Variants in RASSF5 observed in about 807,000 individuals in gnomAD.
RASSF5 encodes the protein Ras association domain family member 5, also known as ras association domain-containing protein 5.
In RASSF5, 25 loss-of-function variants were observed where a neutral mutation model predicts 40.5. That is an observed-to-expected ratio of 0.62 (90% CI 0.45 to 0.86). The LOEUF is 0.86. Among genes scored for constraint, RASSF5 ranks in the 40% least tolerant of loss-of-function variants. RASSF5 has a pLI of 0.00. For synonymous variants in RASSF5, 246 were observed against 252.4 expected (o/e 0.97, Z 0.24); for missense variants, 521 against 572.8 (o/e 0.91, Z 0.92).
chr1:206,580,680 C>T (rs1668836650), intron 2 of RASSF5: 1 of 152,246 alleles, frequency 6.6e-6, no homozygotes, highest in South Asian at 2.1e-4. Flanking sequence ...GCTCACACTA[C>T]TTGCTACTCA....
chr1:206,583,052 G>A (rs1668954462), intron 2 of RASSF5: 4 of 497,442 alleles, frequency 8.0e-6, no homozygotes, highest in South Asian at 6.1e-5. Context: ...CTGAGGCTTA[G>A]AGAAATCTGA....
rs186987825 is a variant in RASSF5, at chr1:206,525,106, C to T, written c.458-13066C>T. On this transcript the variant is annotated intron_variant, in intron 1 of 5. Coordinates refer to ENST00000579436, the MANE Select transcript of RASSF5 (RefSeq NM_182663.4). ...GCCCACTCCTCCCAAGACACCCCTA[C>T]TTCAACACACCCAGCCTGGCCTGGC... Among the ~76,000 whole-genome samples the T allele has an allele frequency of 5.8e-3, 886 of 152,324 alleles. 11 individuals carry two copies. Among genetic ancestry groups the T allele is most frequent in the African/African-American group, 0.018 (741 of 41,570 alleles).
intron 1 of RASSF5, among the ~76,000 whole-genome samples, chr1:206,508,361 C>T (rs1304517504): frequency 2.0e-5 from 3 of 152,114 alleles, no homozygotes; most frequent in African/African-American, 7.2e-5. Flanking sequence ...CACACTCGCA[C>T]ACAGGTTGTG....
Position 206,587,070 on chromosome 1 carries a change from T to G in RASSF5, c.*92T>G. 36 of 1,469,146 alleles carry G rather than the reference T, an allele frequency of 2.5e-5. No homozygotes were observed. The highest frequency in any genetic ancestry group is 2.7e-5 in the Non-Finnish European group (29 of 1,075,330). 91.0% of individuals were successfully genotyped at this position (1,469,146 alleles called of 1,614,324 possible). On this transcript the variant is annotated 3_prime_UTR_variant, in exon 6 of 6. Coordinates refer to ENST00000579436, the MANE Select transcript of RASSF5 (RefSeq NM_182663.4). The stretch of plus-strand genomic sequence containing the variant: ...CAGACACTTTTTCTCAGGACATCTC[T>G]GGCAGGTGCATTTGTGCCTGCCCAG...
rs1553407069 is a variant in RASSF5 at position 206,584,444 on chromosome 1, G to T, written c.748G>T (p.Val250Leu). 1.9e-5 allele frequency: 30 copies of T among 1,614,164 alleles called. No individual in the cohort carries two copies. The highest frequency in any genetic ancestry group is 2.5e-5 in the Non-Finnish European group (30 of 1,180,014). Residue 250 changes from valine to leucine, a missense_variant, in exon 4 of 6, where the codon GTG becomes TTG. Val to Leu is a conservative substitution (Grantham distance 32, BLOSUM62 1). Transcript: ENST00000579436. The surrounding 1 kb of genome is among the most constrained non-coding windows in gnomAD (Gnocchi z 4.9). ...AGTGCATCTGAAACTCCGGCGGCCT[G>T]TGACGGTGCCTGCTGGGATCCGGCC... ...IKVHLKLRRP[V>L]TVPAGIRPQS... is the part of the protein sequence containing the mutation.
At chr1:206,537,588 A>G (rs1473564773) in intron 1 of RASSF5, among the ~76,000 whole-genome samples, 2 of 152,202 alleles carry the variant, frequency 1.3e-5, no homozygotes, top group African/African-American at 4.8e-5. Context: ...ATTTGGGAAT[A>G]TGTATGATAC....
In RASSF5 at chr1:206,584,413, C is replaced by T; in HGVS notation, c.717C>T (p.Phe239=). 6.2e-7 allele frequency: 1 copy of T among 1,613,856 alleles called. No individual in the cohort carries two copies. Among genetic ancestry groups the T allele is most frequent in the Non-Finnish European group, 8.5e-7 (1 of 1,179,822 alleles). Residue 239 remains phenylalanine (F), a synonymous_variant, in exon 4 of 6, where the codon TTC becomes TTT. Transcript: ENST00000579436. The surrounding 1 kb of genome is among the most constrained non-coding windows in gnomAD (Gnocchi z 4.9). ...GTGAAGACGGCACCTACACGGGTTT[C>T]ATCAAAGTGCATCTGAAACTCCGGC... ...KLSEDGTYTG[F]IKVHLKLRRP...
chr1:206,574,733 GGTCTGTGGA>G (rs1383447865), intron 2 of RASSF5, among the ~76,000 whole-genome samples: 1 of 152,134 alleles, frequency 6.6e-6, no homozygotes, highest in Non-Finnish European at 1.5e-5. Flanking sequence ...TGCTGTGGTG[GGTCTGTGGA>G]GTCCATTTCA....
chr1:206,570,927 C>T (rs1456640546), intron 2 of RASSF5, among the ~76,000 whole-genome samples: 1 of 152,102 alleles, frequency 6.6e-6, no homozygotes, highest in East Asian at 1.9e-4. Flanking sequence ...TGAGTCCTTG[C>T]TCTCACATCT....
At chr1:206,532,972 C>G (rs1667280441) in intron 1 of RASSF5, among the ~76,000 whole-genome samples, 1 of 152,158 alleles carries the variant, frequency 6.6e-6, no homozygotes, top group Non-Finnish European at 1.5e-5. Context: ...ATGTGTGTGC[C>G]TCTGTGTGTG....
At chr1:206,528,956 T>C in intron 1 of RASSF5, 1 of 654,874 alleles carries the variant, frequency 1.5e-6, no homozygotes, top group South Asian at 1.8e-5. Context: ...AGGTGGCTCC[T>C]GTCGTGAAGA....
intron 1 of RASSF5, among the ~76,000 whole-genome samples, chr1:206,515,858 A>AT (rs1229325896): frequency 6.6e-6 from 1 of 152,112 alleles, no homozygotes; most frequent in Non-Finnish European, 1.5e-5. Context: ...TATGTGGATT[A>AT]TTTTTTGCAT....
chr1:206,557,276 G>A, intron 2 of RASSF5: 3 of 1,171,708 alleles, frequency 2.6e-6, no homozygotes, highest in Non-Finnish European at 3.2e-6. Context: ...CGAAACCGCA[G>A]AGCCCGGACG....
chr1:206,549,925 A>G (rs1258924277), intron 2 of RASSF5, among the ~76,000 whole-genome samples: 8 of 152,056 alleles, frequency 5.3e-5, no homozygotes. Context: ...CCATGCACAC[A>G]CCGATCAGTA....
intron 1 of RASSF5, among the ~76,000 whole-genome samples, chr1:206,530,090 T>G (rs573434009): frequency 1.3e-5 from 2 of 152,290 alleles, no homozygotes; most frequent in South Asian, 4.1e-4. Flanking sequence ...TTTGTTCCCT[T>G]TTTGTGGCAT....
intron 2 of RASSF5, among the ~76,000 whole-genome samples, chr1:206,547,772 A>G (rs1203262238): frequency 6.6e-6 from 1 of 152,144 alleles, no homozygotes; most frequent in Non-Finnish European, 1.5e-5. Flanking sequence ...CAATATTGTT[A>G]CTATTTTATT....
chr1:206,587,135 G>A lies in RASSF5; in HGVS notation c.*157G>A. On this transcript the variant is annotated 3_prime_UTR_variant, in exon 6 of 6. Coordinates refer to ENST00000579436, the MANE Select transcript of RASSF5 (RefSeq NM_182663.4). The stretch of plus-strand genomic sequence containing the variant: ...GCAAAAGTCTCTTCCATGGACAAGT[G>A]TTTGCACGAGGGTTCAGCTGTGCCC... The A allele has an allele frequency of 2.2e-6, 2 of 916,222 alleles. No individual in the cohort carries two copies. Among genetic ancestry groups the A allele is most frequent in the African/African-American group, 1.6e-5 (1 of 61,028 alleles). The allele number at this position is 916,222 out of a possible 1,614,324, so 56.8% of individuals were successfully genotyped here.
chr1:206,564,099 CCCT>C (rs1668220777), intron 2 of RASSF5, among the ~76,000 whole-genome samples: 1 of 152,214 alleles, frequency 6.6e-6, no homozygotes, highest in Admixed American at 6.5e-5. Flanking sequence ...TCAACAAACA[CCCT>C]TGTCATGTGA....
In RASSF5 at chr1:206,507,779, G is replaced by T. The variant is rs1666496122; in HGVS notation, c.177G>T (p.Gly59=). 2 of 1,392,794 alleles carry T rather than the reference G, an allele frequency of 1.4e-6. No homozygotes were observed. Among genetic ancestry groups the T allele is most frequent in the African/African-American group, 1.5e-5 (1 of 65,530 alleles). 86.3% of individuals were successfully genotyped at this position (1,392,794 alleles called of 1,614,324 possible). A position where few individuals can be genotyped will look rare whatever the true frequency, so the allele number is the denominator to read the frequency against. Residue 59 remains glycine, a synonymous_variant, in exon 1 of 6, where the codon GGG becomes GGT. Transcript: ENST00000579436. ...CCACTGCGCCCGGGGCGCGCGAGGGGCGCAGCGCCCGGAGGGCTGCCCGGG... is the reference window on the plus strand; with the variant it reads ...CCACTGCGCCCGGGGCGCGCGAGGGTCGCAGCGCCCGGAGGGCTGCCCGGG... The part of the protein sequence containing the change: ...PLSTAPGARE[G]RSARRAARGN...
Sources: allele counts gnomAD v4.1 joint callset (sites outside exome capture counted in the v4.1 genomes callset), GRCh38; gene constraint gnomAD v4.1.1; non-coding constraint Gnocchi (gnomAD v3.1); transcripts MANE v1.5; gene names NCBI Gene and HGNC (gene_info 2026-07-23, HGNC 2026-07-21).